The following TMOD3 variants were observed in gnomAD, a reference collection of about 807,000 sequenced individuals.
TMOD3 encodes the protein tropomodulin-3.
In TMOD3, 20 loss-of-function variants were observed where a neutral mutation model predicts 39.2. That is an observed-to-expected ratio of 0.51 (90% CI 0.36 to 0.74). TMOD3 has a LOEUF of 0.74. Among genes scored for constraint, TMOD3 ranks in the 30% least tolerant of loss-of-function variants. TMOD3 has a pLI of 0.00. For synonymous variants in TMOD3, 143 were observed against 145.8 expected (o/e 0.98, Z 0.14); for missense variants, 381 against 412.8 (o/e 0.92, Z 0.67).
chr15:51,869,236 G>A lies in TMOD3; in HGVS notation c.146G>A (p.Gly49Glu), dbSNP rs1378393167. 1.2e-6 allele frequency: 2 copies of A among 1,613,896 alleles called. No individual in the cohort carries two copies. Among genetic ancestry groups the A allele is most frequent in the Non-Finnish European group, 1.7e-6 (2 of 1,179,942 alleles). The stretch of plus-strand genomic sequence containing the variant: ...TGGCAGAATGCCCTTCTGCCTGCAG[G>A]GTTCCGGCAGAAGAACCAGACATCA... ...LDPENALLPA[G>E]FRQKNQTSKS... Residue 49 changes from glycine to glutamate, a missense_variant, in exon 3 of 10, where the codon GGG becomes GAG. By Grantham distance (98) the Gly-to-Glu change is moderately conservative. Transcript: ENST00000308580.
At chr15:51,856,998 G>A (rs1258932913) in intron 1 of TMOD3, among the ~76,000 whole-genome samples, 1 of 152,090 alleles carries the variant, frequency 6.6e-6, no homozygotes, top group Admixed American at 6.6e-5. Context: ...AGAAATAGAG[G>A]GGAGAGACTA....
At chr15:51,875,003 C>T (rs2056494423) in intron 3 of TMOD3, 1 of 152,184 alleles carries the variant, frequency 6.6e-6, no homozygotes, top group South Asian at 2.1e-4. Flanking sequence ...CCAAGAATTC[C>T]ACATGCCCCT....
rs760703632 is a variant in TMOD3 at position 51,887,720 on chromosome 15, TA to T, written c.406+13del. On this transcript the variant is annotated intron_variant, in intron 4 of 9. Transcript: ENST00000308580. ...ATTGTGTGACCTCGCAGGTATCACC[TA>T]AAACAAGTTAATTTGTGAATAAGTG... The T allele has an allele frequency of 1.2e-6, 2 of 1,613,280 alleles. No homozygotes were observed. Among genetic ancestry groups the T allele is most frequent in the Admixed American group, 3.3e-5 (2 of 59,812 alleles).
At chr15:51,860,333 C>T (rs1034736430) in intron 1 of TMOD3, 1 of 538,658 alleles carries the variant, frequency 1.9e-6, no homozygotes, top group Non-Finnish European at 3.7e-6. Context: ...CCAATTTGCC[C>T]TTAAGGATTT....
rs185139819 is a variant in TMOD3, at chr15:51,911,188, T to G, written c.*2378T>G. 1 of 152,314 alleles carries G rather than the reference T, an allele frequency of 6.6e-6. No homozygotes were observed. Among genetic ancestry groups the G allele is most frequent in the Non-Finnish European group, 1.5e-5 (1 of 68,014 alleles). The allele number at this position is 152,314 out of a possible 1,614,324, so 9.4% of individuals were successfully genotyped here. A position where few individuals can be genotyped will look rare whatever the true frequency, so the allele number is the denominator to read the frequency against. On this transcript the variant is annotated 3_prime_UTR_variant, in exon 10 of 10. Coordinates refer to ENST00000308580, the MANE Select transcript of TMOD3 (RefSeq NM_014547.5). ...TAGTTGATAAATAGTTCCCCCTTCA[T>G]CCCTTAAGTTTTGTTTTTGTTTTTG...
rs1451311698 is a variant in TMOD3 at position 51,896,473 on chromosome 15, CAT to C, written c.683_684del (p.His228ArgfsTer13). 1 of 1,613,780 alleles carries C rather than the reference CAT, an allele frequency of 6.2e-7. No homozygotes were observed. The highest frequency in any genetic ancestry group is 8.5e-7 in the Non-Finnish European group (1 of 1,179,756). Reference protein sequence around the residue: ...DFAKALETNTHVKCFSLAATR... With the variant: ...DFAKALETNTXVKCFSLAATR... ...TGCAAAGGCTTTGGAAACCAACACACATGTGAAATGTTTCAGTCTTGCAGCCA... is the reference window on the plus strand; with the variant it reads ...TGCAAAGGCTTTGGAAACCAACACACGTGAAATGTTTCAGTCTTGCAGCCA... On this transcript the variant is annotated frameshift_variant, in exon 7 of 10. Coordinates refer to ENST00000308580, the MANE Select transcript of TMOD3 (RefSeq NM_014547.5). LOFTEE classifies it high-confidence loss of function.
intron 3 of TMOD3, among the ~76,000 whole-genome samples, chr15:51,874,326 A>G (rs958261083): frequency 1.6e-4 from 24 of 152,252 alleles, no homozygotes; most frequent in Admixed American, 8.5e-4. Context: ...ATGTCAATAT[A>G]TGAAAAGAAG....
At chr15:51,860,993 T>C (rs577170821) in intron 1 of TMOD3, 17 of 590,266 alleles carry the variant, frequency 2.9e-5, no homozygotes, top group Non-Finnish European at 4.9e-5. Flanking sequence ...CTTTCCTCTT[T>C]GCTGAGGCAC....
chr15:51,908,856 G>A lies in TMOD3; in HGVS notation c.*46G>A, dbSNP rs1235741336. On this transcript the variant is annotated 3_prime_UTR_variant, in exon 10 of 10. Coordinates refer to ENST00000308580, the MANE Select transcript of TMOD3 (RefSeq NM_014547.5). ...TGGAAGACTTCAGAAGATCACCAAG[G>A]GCTCATGTTGGTGACATCATGTAAA... is the stretch of plus-strand genomic sequence containing the variant. The A allele has an allele frequency of 4.0e-6, 6 of 1,511,648 alleles. No homozygotes were observed. Among genetic ancestry groups the A allele is most frequent in the Admixed American group, 2.1e-5 (1 of 48,038 alleles). The allele number at this position is 1,511,648 out of a possible 1,614,324, so 93.6% of individuals were successfully genotyped here. A position where few individuals can be genotyped will look rare whatever the true frequency, so the allele number is the denominator to read the frequency against.
At chr15:51,839,255 C>T (rs963387885) in intron 1 of TMOD3, among the ~76,000 whole-genome samples, 2 of 147,090 alleles carry the variant, frequency 1.4e-5, no homozygotes, top group East Asian at 2.1e-4. Flanking sequence ...CTGCAACCTC[C>T]GCCTCCCAGG....
intron 2 of TMOD3, among the ~76,000 whole-genome samples, chr15:51,868,801 A>G (rs2056460379): frequency 6.6e-6 from 1 of 152,074 alleles, no homozygotes; most frequent in African/African-American, 2.4e-5. Flanking sequence ...GCAAAACCCC[A>G]TCTCTACCCA....
chr15:51,893,816 T>C lies in TMOD3; in HGVS notation c.498T>C (p.Asn166=), dbSNP rs773947059. The part of the protein sequence containing the change: ...SNGVDQEHFS[N]VVKGEKILPV... ...TGCTCTTTTCATTTATCACTGCAGA[T>C]GTGGTCAAAGGTGAAAAGATTCTTC... The change falls in exon 6 of 10, where the codon AAT becomes AAC. Residue 166 remains asparagine, a splice_region_variant and synonymous_variant. Coordinates refer to ENST00000308580, the MANE Select transcript of TMOD3 (RefSeq NM_014547.5). 2 of 1,591,334 alleles carry C rather than the reference T, an allele frequency of 1.3e-6. No homozygotes were observed. Among genetic ancestry groups the C allele is most frequent in the South Asian group, 2.3e-5 (2 of 87,666 alleles).
intron 8 of TMOD3, chr15:51,900,970 A>G (rs1478104447): frequency 6.6e-6 from 1 of 152,134 alleles, no homozygotes; most frequent in East Asian, 1.9e-4. Flanking sequence ...ATTACCCCAA[A>G]AAGAAACCCC....
rs190110007 is a variant in TMOD3 at position 51,870,013 on chromosome 15, A to G, written c.283+640A>G. 1.4e-3 allele frequency among the ~76,000 whole-genome samples: 214 copies of G among 152,276 alleles called. 11 individuals carry two copies. Among genetic ancestry groups the G allele is most frequent in the East Asian group, 9.6e-3 (50 of 5,184 alleles). On this transcript the variant is annotated intron_variant, in intron 3 of 9. Transcript: ENST00000308580. ...GAGTGCAATGGTGCACCCTCGCCTC[A>G]CTGCAACCTCCGCCTCCCGGGTTTA...
intron 3 of TMOD3, among the ~76,000 whole-genome samples, chr15:51,886,527 G>A (rs1043837473): frequency 2.0e-5 from 3 of 152,186 alleles, no homozygotes; most frequent in African/African-American, 7.2e-5. Flanking sequence ...CCAGTCAGGC[G>A]TGGCGGTGCG....
intron 4 of TMOD3, among the ~76,000 whole-genome samples, chr15:51,888,160 G>A (rs372079675): frequency 6.6e-6 from 1 of 152,176 alleles, no homozygotes; most frequent in Admixed American, 6.5e-5. Context: ...TTTCTGAAGT[G>A]TATATGAAAC....
In TMOD3 at chr15:51,901,910, G is replaced by A. The variant is rs1463760166; in HGVS notation, c.898G>A (p.Ala300Thr). The change falls in exon 9 of 10, where the codon GCT (alanine) becomes ACT (threonine). Residue 300 changes from alanine to threonine, a missense_variant. Coordinates refer to ENST00000308580, the MANE Select transcript of TMOD3 (RefSeq NM_014547.5). The part of the protein sequence containing the change: ...IDNQRQQLGT[A>T]VELEMAKMLE... The stretch of plus-strand genomic sequence containing the variant: ...ACTCCAGAGGCAGCAGTTGGGGACA[G>A]CTGTAGAATTGGAAATGGCCAAGAT... The A allele has an allele frequency of 6.2e-7, 1 of 1,614,094 alleles. No homozygotes were observed. Among genetic ancestry groups the A allele is most frequent in the Non-Finnish European group, 8.5e-7 (1 of 1,180,008 alleles).
At chr15:51,869,068 G>T in intron 2 of TMOD3, 149 bp from the exon 3 acceptor site, 1 of 738,784 alleles carries the variant, frequency 1.4e-6, no homozygotes. Flanking sequence ...TGGAGCAATT[G>T]TACATTGCTG....
chr15:51,889,154 T>G lies in TMOD3; in HGVS notation c.496+9T>G, dbSNP rs757212867. 3 of 1,538,248 alleles carry G rather than the reference T, an allele frequency of 2.0e-6. No individual in the cohort carries two copies. In the Admixed American group the frequency reaches 5.2e-5, roughly 26 times the overall value. On this transcript the variant is annotated intron_variant, in intron 5 of 9. Coordinates refer to ENST00000308580, the MANE Select transcript of TMOD3 (RefSeq NM_014547.5). Reference sequence around the variant, plus strand: ...CCAAGAACATTTTTCAAGTGAGTACTTAAAATGCTTTGTGAATTCTAATCC... The same window carrying G: ...CCAAGAACATTTTTCAAGTGAGTACGTAAAATGCTTTGTGAATTCTAATCC...
Sources: gnomAD v4.1 joint callset for allele counts (sites outside exome capture counted in the v4.1 genomes callset) on GRCh38, gnomAD v4.1.1 for gene constraint, MANE v1.5 for transcripts, NCBI Gene and HGNC (gene_info 2026-07-23, HGNC 2026-07-21) for gene names.